Variants in LDLRAD3 observed in about 807,000 individuals in gnomAD.
The protein encoded by LDLRAD3 is low-density lipoprotein receptor class A domain-containing protein 3.
LDLRAD3 carries 20 observed loss-of-function variants against 29.4 expected under a neutral mutation model. The observed-to-expected ratio is 0.68, with a 90% CI of 0.48 to 0.99. The LOEUF is 0.99. Among genes scored for constraint, LDLRAD3 ranks in the 50% least tolerant of loss-of-function variants. The probability of loss-of-function intolerance (pLI) is 0.00; values close to 1 mark genes in which losing one functional copy is unlikely to be tolerated. For synonymous variants in LDLRAD3, 157 were observed against 192.7 expected (o/e 0.81, Z 1.53); for missense variants, 420 against 454.3 (o/e 0.92, Z 0.69).
chr11:36,105,167 C>T (rs1853508241), intron 4 of LDLRAD3, among the ~76,000 whole-genome samples: 1 of 150,538 alleles, frequency 6.6e-6, no homozygotes, highest in African/African-American at 2.5e-5. Flanking sequence ...TCACTGGAAG[C>T]TAACATTGAC....
At chr11:36,130,527 G>A (rs1853910098) in intron 4 of LDLRAD3, among the ~76,000 whole-genome samples, 1 of 152,210 alleles carries the variant, frequency 6.6e-6, no homozygotes, top group African/African-American at 2.4e-5. Context: ...AAGCCTGAAT[G>A]ACTCGCAGGG....
intron 4 of LDLRAD3, among the ~76,000 whole-genome samples, chr11:36,143,059 C>T (rs1854110192): frequency 6.6e-6 from 1 of 152,244 alleles, no homozygotes; most frequent in Non-Finnish European, 1.5e-5. Context: ...ATGCTAAGTG[C>T]TTAACATTGC....
intron 4 of LDLRAD3, among the ~76,000 whole-genome samples, chr11:36,126,264 T>C (rs1590288628): frequency 6.6e-6 from 1 of 152,154 alleles, no homozygotes; most frequent in Non-Finnish European, 1.5e-5. Flanking sequence ...TCAAGGGCAC[T>C]GCATTGTCCT....
intron 4 of LDLRAD3, among the ~76,000 whole-genome samples, chr11:36,159,625 A>AAAAAAAAAAAAAT (rs756902228): frequency 1.4e-4 from 19 of 132,896 alleles, no homozygotes; most frequent in Non-Finnish European, 1.9e-4. Context: ...AAAAAAAAAA[A>AAAAAAAAAAAAAT]AGCCAGATGT....
intron 1 of LDLRAD3, chr11:36,000,998 G>A (rs1313780575): frequency 1.3e-5 from 2 of 152,192 alleles, no homozygotes; most frequent in Non-Finnish European, 2.9e-5. Context: ...CACACTCAAG[G>A]AGTGTTGGCT....
intron 1 of LDLRAD3, among the ~76,000 whole-genome samples, chr11:36,020,460 T>C (rs1852081937): frequency 1.3e-5 from 2 of 152,302 alleles, no homozygotes; most frequent in East Asian, 3.9e-4. Context: ...AAAATGTTTA[T>C]AGTATTTTAG....
chr11:35,951,213 C>T (rs994272866), intron 1 of LDLRAD3, among the ~76,000 whole-genome samples: 2 of 152,116 alleles, frequency 1.3e-5, no homozygotes, highest in African/African-American at 4.8e-5. Flanking sequence ...ATTTCTCTCC[C>T]CTCCCTTAAG....
At chr11:36,078,983 A>G (rs750957226) in intron 2 of LDLRAD3, among the ~76,000 whole-genome samples, 19 of 152,168 alleles carry the variant, frequency 1.2e-4, no homozygotes, top group Non-Finnish European at 2.5e-4. Context: ...AGCGAGGTTA[A>G]GACTGTGGCA....
chr11:36,202,039 G>A (rs953298536), intron 4 of LDLRAD3, among the ~76,000 whole-genome samples: 2 of 125,196 alleles, frequency 1.6e-5, no homozygotes, highest in Non-Finnish European at 1.6e-5. Flanking sequence ...ACTTCCTGGG[G>A]ACATCTTTTT....
chr11:36,222,248 T>C (rs1207524289), intron 4 of LDLRAD3, among the ~76,000 whole-genome samples: 1 of 152,098 alleles, frequency 6.6e-6, no homozygotes, highest in Non-Finnish European at 1.5e-5. Flanking sequence ...TACTAAATTA[T>C]TACATTTTTA....
chr11:35,999,380 T>A (rs1040868956), intron 1 of LDLRAD3, among the ~76,000 whole-genome samples: 1 of 152,114 alleles, frequency 6.6e-6, no homozygotes, highest in Non-Finnish European at 1.5e-5. Context: ...TCCTCTCTGT[T>A]GAGAGTCAGC....
intron 2 of LDLRAD3, among the ~76,000 whole-genome samples, chr11:36,076,403 T>G (rs2133251836): frequency 6.6e-6 from 1 of 152,150 alleles, no homozygotes; most frequent in African/African-American, 2.4e-5. Flanking sequence ...TCTTTTTTTT[T>G]TTGAGATGAG....
chr11:36,164,288 A>G (rs920737770), intron 4 of LDLRAD3, among the ~76,000 whole-genome samples: 3 of 152,356 alleles, frequency 2.0e-5, no homozygotes, highest in East Asian at 3.9e-4. Flanking sequence ...TGTTTCACCT[A>G]TTTAAAATAC....
intron 4 of LDLRAD3, among the ~76,000 whole-genome samples, chr11:36,209,417 T>C (rs1025523131): frequency 7.2e-6 from 1 of 139,240 alleles, no homozygotes; most frequent in Admixed American, 7.9e-5. Flanking sequence ...TGGAGTGCAA[T>C]GGTGTGATCT....
At chr11:36,188,379 A>G (rs920140534) in intron 4 of LDLRAD3, among the ~76,000 whole-genome samples, 1 of 140,786 alleles carries the variant, frequency 7.1e-6, no homozygotes, top group African/African-American at 3.1e-5. Flanking sequence ...AGCAAAAAAA[A>G]AAAAAAAAAA....
At chr11:36,038,009 A>G (rs1852326475) in intron 2 of LDLRAD3, among the ~76,000 whole-genome samples, 1 of 152,052 alleles carries the variant, frequency 6.6e-6, no homozygotes, top group Non-Finnish European at 1.5e-5. Context: ...TGATCCTCCC[A>G]CTTTGATCCC....
At chr11:36,036,339 T>A (rs1852304648) in intron 2 of LDLRAD3, 90 bp downstream of exon 2, 3 of 1,448,714 alleles carry the variant, frequency 2.1e-6, no homozygotes, top group South Asian at 1.2e-5. Flanking sequence ...CCCTGCACAC[T>A]CTGCTTGCTG....
At chr11:35,989,950 CAT>C (rs1336724304) in intron 1 of LDLRAD3, among the ~76,000 whole-genome samples, 1 of 152,146 alleles carries the variant, frequency 6.6e-6, no homozygotes, top group Non-Finnish European at 1.5e-5. Context: ...CTGAAAACCT[CAT>C]AGGAAAACCA....
intron 5 of LDLRAD3, among the ~76,000 whole-genome samples, chr11:36,228,333 A>G (rs764959827): frequency 1.3e-5 from 2 of 152,178 alleles, no homozygotes; most frequent in Non-Finnish European, 2.9e-5. Flanking sequence ...AGAATTCAGG[A>G]CCTTCCTCAC....
Sources: gnomAD v4.1 joint callset for allele counts (sites outside exome capture counted in the v4.1 genomes callset) on GRCh38, gnomAD v4.1.1 for gene constraint, MANE v1.5 for transcripts, NCBI Gene and HGNC (gene_info 2026-07-23, HGNC 2026-07-21) for gene names.